The following DNAH14 variants were observed in gnomAD, a reference collection of about 807,000 sequenced individuals.
The protein encoded by DNAH14 is axonemal beta dynein heavy chain 14.
A neutral mutation model predicts 520.9 loss-of-function variants in DNAH14; 478 were observed. That is an observed-to-expected ratio of 0.92 (90% confidence interval 0.85 to 0.99). The LOEUF (loss-of-function observed/expected upper bound fraction) is 0.99, where lower values mean the gene tolerates loss of function less well. Ranked by LOEUF, DNAH14 falls within the 50% of genes least tolerant of loss-of-function variation. The pLI is 0.00. For synonymous variants in DNAH14, 1,581 were observed against 1,757.2 expected (o/e 0.90, Z 2.51); for missense variants, 4,831 against 5,234.5 (o/e 0.92, Z 2.38).
At chr1:225,349,728 G>T (rs189173865) in intron 71 of DNAH14, among the ~76,000 whole-genome samples, 8 of 152,090 alleles carry the variant, frequency 5.3e-5, no homozygotes, top group Admixed American at 5.2e-4. Flanking sequence ...ATGATAAAAG[G>T]GTCAATTCAC....
chr1:225,116,956 G>A (rs1039183692), intron 23 of DNAH14, among the ~76,000 whole-genome samples: 1 of 152,134 alleles, frequency 6.6e-6, no homozygotes, highest in African/African-American at 2.4e-5. Flanking sequence ...GTGGAGAGAA[G>A]ACAAGCAAGT....
chr1:225,245,229 C>G (rs1162400769), intron 43 of DNAH14, among the ~76,000 whole-genome samples: 1 of 152,092 alleles, frequency 6.6e-6, no homozygotes, highest in Admixed American at 6.5e-5. Context: ...GATTTCCTTT[C>G]TTTTGCATTT....
chr1:225,112,363 T>C (rs190057580), intron 23 of DNAH14, among the ~76,000 whole-genome samples: 90 of 152,304 alleles, frequency 5.9e-4, no homozygotes, highest in African/African-American at 2.0e-3. Context: ...TGTGTTTTAT[T>C]TGTTTCTTTC....
At chr1:225,345,477 G>A (rs927250165) in intron 69 of DNAH14, among the ~76,000 whole-genome samples, 3 of 152,148 alleles carry the variant, frequency 2.0e-5, no homozygotes, top group Non-Finnish European at 4.4e-5. Flanking sequence ...TTTTCAAAAG[G>A]TGAGTTGCAA....
chr1:224,935,781 G>C (rs1259830143), intron 1 of DNAH14, among the ~76,000 whole-genome samples: 1 of 151,766 alleles, frequency 6.6e-6, no homozygotes, highest in African/African-American at 2.4e-5. Flanking sequence ...TTAGCACATG[G>C]AATGTTCTCT....
intron 11 of DNAH14, among the ~76,000 whole-genome samples, chr1:225,026,574 T>C (rs1288805416): frequency 6.6e-6 from 1 of 152,160 alleles, no homozygotes; most frequent in Non-Finnish European, 1.5e-5. Context: ...TGACCAAAAA[T>C]GTGTGGGTTT....
chr1:225,353,775 C>T (rs1302430543), intron 72 of DNAH14, 28 bp from the exon 73 acceptor site: 3 of 1,149,198 alleles, frequency 2.6e-6, no homozygotes, highest in Admixed American at 2.4e-5. Context: ...ACTGTTAATG[C>T]CAGTTTCTTT....
intron 17 of DNAH14, among the ~76,000 whole-genome samples, chr1:225,058,526 G>A (rs370891099): frequency 6.6e-6 from 1 of 152,026 alleles, no homozygotes; most frequent in Non-Finnish European, 1.5e-5. Context: ...GTGTCTCTAT[G>A]TCCTTCATTT....
intron 84 of DNAH14, among the ~76,000 whole-genome samples, chr1:225,394,008 G>A (rs2095965114): frequency 6.6e-6 from 1 of 152,008 alleles, no homozygotes; most frequent in Admixed American, 6.5e-5. Flanking sequence ...TTTTAGTAGA[G>A]ACGGGGTTTC....
At chr1:225,263,560 G>T (rs1358605374) in intron 46 of DNAH14, among the ~76,000 whole-genome samples, 4 of 151,490 alleles carry the variant, frequency 2.6e-5, no homozygotes, top group Non-Finnish European at 5.9e-5. Context: ...GATTTCCTCT[G>T]CTTCTTTTCC....
At chr1:225,145,609 G>T (rs1054763496) in intron 30 of DNAH14, among the ~76,000 whole-genome samples, 1 of 152,114 alleles carries the variant, frequency 6.6e-6, no homozygotes, top group Non-Finnish European at 1.5e-5. Context: ...CCTTAAGACA[G>T]TGGTTTTCAA....
chr1:225,240,385 T>C (rs1167218313), intron 42 of DNAH14, among the ~76,000 whole-genome samples: 2 of 151,550 alleles, frequency 1.3e-5, no homozygotes, highest in African/African-American at 2.4e-5. Context: ...TTTATACATA[T>C]GGTACTTTAA....
intron 84 of DNAH14, among the ~76,000 whole-genome samples, chr1:225,393,814 G>GTTTTTTTTTTTTTTTTTTT (rs1354333069): frequency 7.0e-6 from 1 of 143,120 alleles, no homozygotes; most frequent in Non-Finnish European, 1.5e-5. Flanking sequence ...ATCTTTTTTT[G>GTTTTTTTTTTTTTTTTTTT]TTTTTTTTTT....
At chr1:225,015,233 T>C (rs932024472) in intron 10 of DNAH14, among the ~76,000 whole-genome samples, 6 of 152,212 alleles carry the variant, frequency 3.9e-5, no homozygotes, top group African/African-American at 1.4e-4. Flanking sequence ...TTGAGTCTTG[T>C]ATTTTAATCA....
chr1:225,191,267 T>A (rs1216275836), intron 37 of DNAH14, among the ~76,000 whole-genome samples: 1 of 152,048 alleles, frequency 6.6e-6, no homozygotes, highest in East Asian at 1.9e-4. Context: ...TTCCCAGGGA[T>A]GAACTATTTA....
chr1:224,960,250 T>A lies in DNAH14; in HGVS notation c.315T>A (p.Thr105=). 1 of 1,611,752 alleles carries A rather than the reference T, an allele frequency of 6.2e-7. No individual in the cohort carries two copies. Among genetic ancestry groups the A allele is most frequent in the South Asian group, 1.1e-5 (1 of 90,816 alleles). Residue 105 remains threonine, a synonymous_variant, in exon 4 of 86, where the codon ACT becomes ACA. Coordinates refer to ENST00000682510, the MANE Select transcript of DNAH14 (RefSeq NM_001367479.1). ...KGKSRRKKDQ[T]HACPNVRKAR... is the part of the protein sequence containing the mutation. ...AGTCAAGGAGAAAAAAGGATCAAAC[T>A]CATGCTTGTCCAAATGTTAGGAAAG...
chr1:225,033,834 G>A (rs1458478914), intron 11 of DNAH14, among the ~76,000 whole-genome samples: 1 of 152,028 alleles, frequency 6.6e-6, no homozygotes. Context: ...TATGGCAATT[G>A]TGAATGGGAA....
intron 17 of DNAH14, among the ~76,000 whole-genome samples, chr1:225,077,285 A>G (rs1048979553): frequency 6.6e-6 from 1 of 152,172 alleles, no homozygotes; most frequent in Non-Finnish European, 1.5e-5. Flanking sequence ...ATGTGCATAC[A>G]CAAGCTTACA....
Position 224,962,779 on chromosome 1 carries a change from T to C in DNAH14, c.368-1700T>C, listed in dbSNP as rs141139668. Among the ~76,000 whole-genome samples, 275 of 152,314 alleles carry C rather than the reference T, an allele frequency of 1.8e-3. 1 individual carries two copies. Among genetic ancestry groups the C allele is most frequent in the African/African-American group, 5.9e-3 (247 of 41,578 alleles). On this transcript the variant is annotated intron_variant, in intron 4 of 85. Transcript: ENST00000682510. ...TTTCTTTCCAGCTTTTTGAAAGTTATGTGTTCCTTATATTTTACTATTTAT... is the reference window on the plus strand; with the variant it reads ...TTTCTTTCCAGCTTTTTGAAAGTTACGTGTTCCTTATATTTTACTATTTAT...
Sources: gnomAD v4.1 joint callset for allele counts (sites outside exome capture counted in the v4.1 genomes callset) on GRCh38, gnomAD v4.1.1 for gene constraint, MANE v1.5 for transcripts, NCBI Gene and HGNC (gene_info 2026-07-23, HGNC 2026-07-21) for gene names.